The following XKR9 variants were observed in gnomAD, a reference collection of about 807,000 sequenced individuals.
XKR9 encodes XK related 9.
XKR9 carries 32 observed loss-of-function variants against 32.0 expected under a neutral mutation model. The observed-to-expected ratio is 1.00, with a 90% CI of 0.76 to 1.34. The LOEUF (loss-of-function observed/expected upper bound fraction) is 1.34. Among genes scored for constraint, XKR9 ranks in the 40% most tolerant of loss-of-function variants. XKR9 has a pLI of 0.00. For synonymous variants in XKR9, 168 were observed against 143.4 expected, an observed-to-expected ratio of 1.17 and a Z score of -1.22; for missense variants, 546 against 429.7, an observed-to-expected ratio of 1.27 and a Z score of -2.39.
chr8:70,757,710 C>A (rs935635169), intron 2 of XKR9, among the ~76,000 whole-genome samples: 4 of 152,134 alleles, frequency 2.6e-5, no homozygotes, highest in Non-Finnish European at 5.9e-5. Flanking sequence ...CTTAGCCTCC[C>A]CAAGTAGCTG....
intron 1 of XKR9, among the ~76,000 whole-genome samples, 195 bp downstream of exon 1, chr8:70,669,733 C>A (rs1484856853): frequency 7.7e-5 from 11 of 143,572 alleles, no homozygotes; most frequent in Non-Finnish European, 1.6e-4. Context: ...GTGGCGCGAT[C>A]TCGGCTCACT....
chr8:70,742,371 G>A (rs755535612), intron 2 of XKR9, among the ~76,000 whole-genome samples: 1 of 152,184 alleles, frequency 6.6e-6, no homozygotes, highest in Non-Finnish European at 1.5e-5. Context: ...GTATATGTTT[G>A]CTTGTATGTT....
chr8:70,759,983 T>A (rs946224979), intron 2 of XKR9, among the ~76,000 whole-genome samples: 1 of 152,236 alleles, frequency 6.6e-6, no homozygotes, highest in African/African-American at 2.4e-5. Flanking sequence ...GGATTTAGTG[T>A]TCTAACTTGT....
At chr8:70,902,840 C>T in the XKR9 span, among the ~76,000 whole-genome samples, 12 of 151,966 alleles carry the variant, frequency 7.9e-5, no homozygotes, top group Non-Finnish European at 1.5e-4. Context: ...TAGCATGAAG[C>T]GCTGTTGAAT....
At chr8:70,751,257 G>T (rs1362318510) in intron 2 of XKR9, among the ~76,000 whole-genome samples, 4 of 152,206 alleles carry the variant, frequency 2.6e-5, no homozygotes, top group Non-Finnish European at 5.9e-5. Flanking sequence ...AGCCTCCCAA[G>T]TAGCTGGGAT....
intron 2 of XKR9, among the ~76,000 whole-genome samples, chr8:70,766,086 G>T (rs762374647): frequency 5.3e-5 from 8 of 150,942 alleles, no homozygotes; most frequent in Non-Finnish European, 8.9e-5. Flanking sequence ...TGGCTTATAT[G>T]GGCTCTTTTT....
the XKR9 span, among the ~76,000 whole-genome samples, chr8:70,926,530 G>C: frequency 6.6e-6 from 1 of 152,132 alleles, no homozygotes; most frequent in Non-Finnish European, 1.5e-5. Flanking sequence ...GCTATAAAAG[G>C]ATAATAATTT....
At chr8:70,683,456 T>C in intron 3 of XKR9, 1 of 431,074 alleles carries the variant, frequency 2.3e-6, no homozygotes, top group African/African-American at 2.1e-5. Flanking sequence ...TTTTTATTTC[T>C]TCTTGAATCT....
At chr8:70,901,241 T>C in the XKR9 span, among the ~76,000 whole-genome samples, 1 of 152,218 alleles carries the variant, frequency 6.6e-6, no homozygotes, top group East Asian at 1.9e-4. Flanking sequence ...CACACTGTCT[T>C]CCACAATAGT....
At chr8:70,782,496 T>A (rs1409823172) in intron 2 of XKR9, among the ~76,000 whole-genome samples, 1 of 151,900 alleles carries the variant, frequency 6.6e-6, no homozygotes, top group East Asian at 1.9e-4. Context: ...AAAAAAAAAT[T>A]CCTTCTGAGA....
At chr8:70,748,878 C>T (rs1337776369) in intron 2 of XKR9, among the ~76,000 whole-genome samples, 3 of 152,312 alleles carry the variant, frequency 2.0e-5, no homozygotes, top group Admixed American at 1.3e-4. Context: ...CAGACTCAGA[C>T]ATTGGGACTA....
chr8:70,751,304 A>G (rs1009633253), intron 2 of XKR9, among the ~76,000 whole-genome samples: 1 of 151,926 alleles, frequency 6.6e-6, no homozygotes, highest in Admixed American at 6.6e-5. Context: ...TAATTTTTGT[A>G]TTTTTAGTAG....
At chr8:70,920,441 A>C in the XKR9 span, among the ~76,000 whole-genome samples, 1 of 152,112 alleles carries the variant, frequency 6.6e-6, no homozygotes, top group African/African-American at 2.4e-5. Context: ...TAAGTAAACA[A>C]ATTTTTAAAA....
the XKR9 span, among the ~76,000 whole-genome samples, chr8:71,036,002 T>C: frequency 6.6e-6 from 1 of 151,302 alleles, no homozygotes; most frequent in South Asian, 2.1e-4. Context: ...TAGATCATAC[T>C]CTTTTGTCTT....
the XKR9 span, among the ~76,000 whole-genome samples, chr8:70,911,178 G>C: frequency 6.6e-6 from 1 of 152,144 alleles, no homozygotes; most frequent in African/African-American, 2.4e-5. Flanking sequence ...CCAGGGGATG[G>C]GAATCTTGGG....
intron 4 of XKR9, among the ~76,000 whole-genome samples, chr8:70,721,980 C>T (rs931565164): frequency 6.6e-6 from 1 of 152,140 alleles, no homozygotes; most frequent in African/African-American, 2.4e-5. Flanking sequence ...TCTGGATGCT[C>T]CTGAATTGGG....
chr8:70,698,286 A>G (rs1265040731), intron 3 of XKR9, among the ~76,000 whole-genome samples: 5 of 151,902 alleles, frequency 3.3e-5, no homozygotes, highest in African/African-American at 4.8e-5. Flanking sequence ...TAGGGTGTCA[A>G]TTTTTGATCT....
downstream of XKR9, among the ~76,000 whole-genome samples, chr8:70,790,910 T>C (rs1439081489): frequency 6.6e-6 from 1 of 152,030 alleles, no homozygotes; most frequent in Non-Finnish European, 1.5e-5. Flanking sequence ...AAATGGTGCC[T>C]TCTTGCTGTG....
chr8:70,706,510 T>A (rs1028122347), intron 3 of XKR9, among the ~76,000 whole-genome samples: 2 of 152,108 alleles, frequency 1.3e-5, no homozygotes, highest in Non-Finnish European at 2.9e-5. Context: ...TTGCAGTTTG[T>A]CTTTCAGAAA....
Sources: gnomAD v4.1 joint callset for allele counts (sites outside exome capture counted in the v4.1 genomes callset) on GRCh38, gnomAD v4.1.1 for gene constraint, MANE v1.5 for transcripts, NCBI Gene and HGNC (gene_info 2026-07-23, HGNC 2026-07-21) for gene names.